PUS7L: variants seen among roughly 807,000 people sequenced by gnomAD.
PUS7L encodes the protein pseudouridylate synthase PUS7L.
In PUS7L, 49 loss-of-function variants were observed where a neutral mutation model predicts 51.1. The observed-to-expected ratio is 0.96, with a 90% CI of 0.76 to 1.22. PUS7L has a LOEUF of 1.22. PUS7L is among the 50% of genes most tolerant of loss of function. The pLI is 0.00. For synonymous variants in PUS7L, 277 were observed against 276.2 expected, an observed-to-expected ratio of 1.00 and a Z score of -0.03; for missense variants, 828 against 820.6, an observed-to-expected ratio of 1.01 and a Z score of -0.11.
chr12:43,755,450 G>A (rs374143633), intron 1 of PUS7L, among the ~76,000 whole-genome samples, 189 bp from the exon 2 acceptor site: 18 of 152,274 alleles, frequency 1.2e-4, no homozygotes, highest in African/African-American at 2.4e-4. Context: ...ATACCAAGCT[G>A]AATTAATAGG....
rs895189608 is a variant in PUS7L, at chr12:43,720,573, G to A, written c.*9803C>T. On this transcript the variant is annotated 3_prime_UTR_variant, in exon 9 of 9. Transcript: ENST00000344862. ...TTCATTTCTAGCCTAATTGTGTTGT[G>A]GCAAAAGAATATACTCATATGGTTT... 6.6e-6 allele frequency: 1 copy of A among 152,098 alleles called. No individual in the cohort carries two copies. The highest frequency in any genetic ancestry group is 1.5e-5 in the Non-Finnish European group (1 of 68,004). The allele number at this position is 152,098 out of a possible 1,614,324, so 9.4% of individuals were successfully genotyped here.
intron 3 of PUS7L, among the ~76,000 whole-genome samples, chr12:43,747,864 C>T (rs543173146): frequency 1.3e-5 from 2 of 152,278 alleles, no homozygotes; most frequent in Non-Finnish European, 2.9e-5. Context: ...TCCCTGCTCA[C>T]TGCAACTCCC....
intron 1 of PUS7L, chr12:43,758,279 A>G (rs1326358627): frequency 3.1e-6 from 3 of 981,746 alleles, no homozygotes; most frequent in Non-Finnish European, 3.6e-6. Flanking sequence ...AGAAGAGTGG[A>G]ACTGACCTGG....
intron 5 of PUS7L, among the ~76,000 whole-genome samples, chr12:43,741,912 T>A (rs1214589143): frequency 6.6e-6 from 1 of 152,172 alleles, no homozygotes; most frequent in Non-Finnish European, 1.5e-5. Context: ...ATAGTTTTCC[T>A]CCATTATGTG....
rs764725567 is a variant in PUS7L at position 43,736,672 on chromosome 12, G to C, written c.1445-11C>G. The C allele has an allele frequency of 1.2e-6, 2 of 1,609,182 alleles. No individual in the cohort carries two copies. The highest frequency in any genetic ancestry group is 2.7e-5 in the African/African-American group (2 of 74,786). On this transcript the variant is annotated splice_polypyrimidine_tract_variant and intron_variant, in intron 6 of 8. Transcript: ENST00000344862. ...TGCCTTTAGCATCCTCTGAAACAAAGGGTAAATCAGGTATAGTTAGCCACT... is the reference window on the plus strand; with the variant it reads ...TGCCTTTAGCATCCTCTGAAACAAACGGTAAATCAGGTATAGTTAGCCACT...
At chr12:43,749,512 A>T (rs1052633965) in intron 2 of PUS7L, among the ~76,000 whole-genome samples, 1 of 152,102 alleles carries the variant, frequency 6.6e-6, no homozygotes, top group Admixed American at 6.6e-5. Flanking sequence ...TGGAGACCCC[A>T]TCTCTACAAA....
chr12:43,738,540 TAAAC>T (rs1318564347), intron 5 of PUS7L, 149 bp from the exon 6 acceptor site: 15 of 586,738 alleles, frequency 2.6e-5, no homozygotes, highest in Non-Finnish European at 3.6e-5. Context: ...TTGCAAAAAT[TAAAC>T]AGACAATGTT....
chr12:43,747,032 C>T (rs1448029065), intron 3 of PUS7L, among the ~76,000 whole-genome samples: 1 of 152,100 alleles, frequency 6.6e-6, no homozygotes, highest in African/African-American at 2.4e-5. Flanking sequence ...TTTTTTGTCC[C>T]CCATATAAGA....
At chr12:43,751,779 T>C (rs913845770) in intron 2 of PUS7L, among the ~76,000 whole-genome samples, 1 of 152,230 alleles carries the variant, frequency 6.6e-6, no homozygotes, top group Non-Finnish European at 1.5e-5. Flanking sequence ...CCACACTGTC[T>C]TCCACAATGG....
intron 2 of PUS7L, among the ~76,000 whole-genome samples, chr12:43,751,908 A>G (rs1253099664): frequency 6.6e-6 from 1 of 152,150 alleles, no homozygotes; most frequent in Non-Finnish European, 1.5e-5. Context: ...CTGGTGTGAG[A>G]TGATATCTCA....
Position 43,754,537 on chromosome 12 carries a change from T to TA in PUS7L, c.708dup (p.Thr237TyrfsTer28). On this transcript the variant is annotated frameshift_variant, in exon 2 of 9. Transcript: ENST00000344862. LOFTEE classifies it high-confidence loss of function. ...ACAGCTTTTCTGTGGTCTTTGTTTG[T>TA]ATCAGGTTTAAAGGTAAATTTGGAA... 8 of 1,612,410 alleles carry TA rather than the reference T, an allele frequency of 5.0e-6. No individual in the cohort carries two copies. Among genetic ancestry groups the TA allele is most frequent in the Non-Finnish European group, 5.9e-6 (7 of 1,179,418 alleles).
At chr12:43,742,343 G>T in intron 5 of PUS7L, 114 bp downstream of exon 5, 1 of 686,246 alleles carries the variant, frequency 1.5e-6, no homozygotes, top group East Asian at 2.7e-5. Context: ...AATATATTTG[G>T]TATGTGAGTG....
Position 43,719,917 on chromosome 12 carries a change from C to T in PUS7L, c.*10459G>A, listed in dbSNP as rs1218059961. 2.0e-5 allele frequency: 3 copies of T among 152,082 alleles called. No individual in the cohort carries two copies. The highest frequency in any genetic ancestry group is 2.9e-5 in the Non-Finnish European group (2 of 68,006). 9.4% of individuals were successfully genotyped at this position (152,082 alleles called of 1,614,324 possible). ...CAAACCAACTTTTGGATTTGTAGAT[C>T]GTCTCTTCTATTCTGGTTTTATTTC... On this transcript the variant is annotated 3_prime_UTR_variant, in exon 9 of 9. Transcript: ENST00000344862.
intron 4 of PUS7L, among the ~76,000 whole-genome samples, chr12:43,745,429 C>T (rs1398208421): frequency 6.6e-6 from 1 of 152,132 alleles, no homozygotes; most frequent in Non-Finnish European, 1.5e-5. Flanking sequence ...CTCATGATAG[C>T]GAGTGAGTTC....
Position 43,758,785 on chromosome 12 carries a change from T to A in PUS7L, c.-72A>T. The A allele has an allele frequency of 1.1e-6, 1 of 942,400 alleles. No individual in the cohort carries two copies. The highest frequency in any genetic ancestry group is 1.3e-6 in the Non-Finnish European group (1 of 791,340). 58.4% of individuals were successfully genotyped at this position (942,400 alleles called of 1,614,324 possible). A position where few individuals can be genotyped will look rare whatever the true frequency, so the allele number is the denominator to read the frequency against. On this transcript the variant is annotated 5_prime_UTR_variant, in exon 1 of 9. It adds an upstream start codon to the 5' untranslated region. Transcript: ENST00000344862. The stretch of plus-strand genomic sequence containing the variant: ...AACGCTGTGCGCATGCCCGGAAGCC[T>A]TAAGTGTTTCAGCCTCCGACAGGGG...
Position 43,736,557 on chromosome 12 carries a change from G to C in PUS7L, c.1549C>G (p.Gln517Glu), listed in dbSNP as rs201646830. ...RFGMTEEGCI[Q>E]AWFSLPHSMR... Reference sequence around the variant, plus strand: ...GAATGGGGTAAAGAGAACCATGCCTGGATACAACCTTCCTCGGTCATGCCA... The same window carrying C: ...GAATGGGGTAAAGAGAACCATGCCTCGATACAACCTTCCTCGGTCATGCCA... The change falls in exon 7 of 9, where the codon CAG becomes GAG. Residue 517 changes from glutamine to glutamate, a missense_variant. By Grantham distance (29) the Gln-to-Glu change is conservative. Coordinates refer to ENST00000344862, the MANE Select transcript of PUS7L (RefSeq NM_031292.5). The C allele has an allele frequency of 1.2e-4, 197 of 1,613,976 alleles. 1 individual carries two copies. In the East Asian group the frequency reaches 4.2e-3, roughly 35 times the overall value.
intron 2 of PUS7L, 21 bp from the exon 3 acceptor site, chr12:43,748,630 AGAT>A (rs1938291376): frequency 6.4e-7 from 1 of 1,559,272 alleles, no homozygotes; most frequent in Admixed American, 2.2e-5. Flanking sequence ...AAAAAAACTT[AGAT>A]CACAAAAAAA....
At position 43,736,434 on chromosome 12, in the gene PUS7L, C is replaced by A; in HGVS notation, c.1672G>T (p.Asp558Tyr). 1 of 1,614,182 alleles carries A rather than the reference C, an allele frequency of 6.2e-7. No individual in the cohort carries two copies. The highest frequency in any genetic ancestry group is 1.1e-5 in the South Asian group (1 of 91,090). The change falls in exon 7 of 9, where the codon GAT becomes TAT. Residue 558 changes from aspartate (D) to tyrosine (Y), a missense_variant. Physicochemically the swap from Asp to Tyr is radical, Grantham distance 160. Coordinates refer to ENST00000344862, the MANE Select transcript of PUS7L (RefSeq NM_031292.5). ...ETYGARVVQGDLVCLDEDIDD... is the reference protein window; with the variant it reads ...ETYGARVVQGYLVCLDEDIDD... Reference sequence around the variant, plus strand: ...ATGTCTTCATCCAAACAGACCAAATCACCCTGCACTACTCTTGCTCCATAG... The same window carrying A: ...ATGTCTTCATCCAAACAGACCAAATAACCCTGCACTACTCTTGCTCCATAG...
chr12:43,739,820 T>C (rs1285232810), intron 5 of PUS7L: 6 of 152,116 alleles, frequency 3.9e-5, no homozygotes, highest in Admixed American at 1.3e-4. Context: ...AGACATAAAA[T>C]TGGAGAAGAG....
Sources: allele counts gnomAD v4.1 joint callset (sites outside exome capture counted in the v4.1 genomes callset), GRCh38; gene constraint gnomAD v4.1.1; transcripts MANE v1.5; gene names NCBI Gene and HGNC (gene_info 2026-07-23, HGNC 2026-07-21).